Variants in IFT140 observed in about 807,000 individuals in gnomAD.
IFT140 encodes intraflagellar transport 140, also known as intraflagellar transport protein 140 homolog.
Under a neutral mutation model 164.6 loss-of-function variants are expected in IFT140, and 133 were observed. The ratio of observed to expected loss-of-function variants is 0.81; its 90% CI spans 0.70 to 0.93. The LOEUF is 0.93. Among genes scored for constraint, IFT140 ranks in the 40% least tolerant of loss-of-function variants. The probability of loss-of-function intolerance (pLI) is 0.00; values close to 1 mark genes in which losing one functional copy is unlikely to be tolerated. For synonymous variants in IFT140, 860 were observed against 817.3 expected, an observed-to-expected ratio of 1.05 and a Z score of -0.89; for missense variants, 2,045 against 1,972.3, an observed-to-expected ratio of 1.04 and a Z score of -0.70.
At chr16:1,557,796 G>A (rs2033182007) in intron 19 of IFT140, 139 bp downstream of exon 19, 1 of 839,168 alleles carries the variant, frequency 1.2e-6, no homozygotes, top group South Asian at 1.6e-5. Context: ...TCATCGAGTG[G>A]GAAGACCATG....
At chr16:1,592,954 G>A (rs933021059) in intron 4 of IFT140, among the ~76,000 whole-genome samples, 3 of 151,034 alleles carry the variant, frequency 2.0e-5, no homozygotes, top group Admixed American at 1.3e-4. Flanking sequence ...GTGACTGGTG[G>A]TGGGACAGGT....
At position 1,523,907 on chromosome 16, in the gene IFT140, G is replaced by T. The variant is rs1384602452; in HGVS notation, c.3191C>A (p.Pro1064His). 6 of 1,613,452 alleles carry T rather than the reference G, an allele frequency of 3.7e-6. No homozygotes were observed. The South Asian group carries it at 6.6e-5, about 18-fold the overall frequency. Residue 1064 changes from proline to histidine, a missense_variant, in exon 25 of 31, where the codon CCC becomes CAC. Pro to His is a moderately conservative substitution (Grantham distance 77). Transcript: ENST00000426508. ...QLMNLALLSSPEDMIEAARYY... is the reference protein window; with the variant it reads ...QLMNLALLSSHEDMIEAARYY... ...TCGGGCCGCCTCGATCATGTCCTCGGGGGAGCTCAGCAGGGCCAAGTTCAT... is the reference window on the plus strand; with the variant it reads ...TCGGGCCGCCTCGATCATGTCCTCGTGGGAGCTCAGCAGGGCCAAGTTCAT...
At chr16:1,606,988 ACAC>A (rs2036104276) in intron 3 of IFT140, 129 bp downstream of exon 3, 10 of 857,322 alleles carry the variant, frequency 1.2e-5, no homozygotes, top group Non-Finnish European at 1.7e-5. Context: ...ATACACGCAC[ACAC>A]AGATGCATGT....
chr16:1,541,557 G>A, intron 19 of IFT140: 3 of 961,978 alleles, frequency 3.1e-6, no homozygotes, highest in Non-Finnish European at 3.7e-6. Flanking sequence ...GTTGCTGGTG[G>A]GCTTCCCCTT....
At chr16:1,600,868 T>A (rs142440401) in intron 4 of IFT140, among the ~76,000 whole-genome samples, 1 of 148,500 alleles carries the variant, frequency 6.7e-6, no homozygotes, top group Non-Finnish European at 1.5e-5. Flanking sequence ...GTCTACATCC[T>A]CAAAATGTAA....
At position 1,553,662 on chromosome 16, in the gene IFT140, G is replaced by A; in HGVS notation, c.2399+4273C>T. On this transcript the variant is annotated intron_variant, in intron 19 of 30. Transcript: ENST00000426508. The surrounding 1 kb of genome is among the most constrained non-coding windows in gnomAD (Gnocchi z 4.4). The stretch of plus-strand genomic sequence containing the variant: ...ACAGAGAGGGAGGGGTGCTGGGTGG[G>A]CAGAAGCGGGGCTGGGGCTGAAGGC... The A allele has an allele frequency of 9.4e-7, 1 of 1,058,326 alleles. No individual in the cohort carries two copies. The highest frequency in any genetic ancestry group is 1.2e-6 in the Non-Finnish European group (1 of 867,256). 65.6% of individuals were successfully genotyped at this position (1,058,326 alleles called of 1,614,324 possible). A position where few individuals can be genotyped will look rare whatever the true frequency, so the allele number is the denominator to read the frequency against.
intron 15 of IFT140, 151 bp from the exon 16 acceptor site, chr16:1,566,442 C>A: frequency 1.5e-6 from 1 of 672,692 alleles, no homozygotes; most frequent in Non-Finnish European, 2.5e-6. Flanking sequence ...GACTAGCATG[C>A]TTTCAATATT....
rs376739986 is a variant in IFT140, at chr16:1,523,504, C to T, written c.3453+14G>A. ...CCTGCGTGGAGCCGAGCCCAGGCCC[C>T]GCTGGCCCCGTACCTTCCTGGCAGC... On this transcript the variant is annotated intron_variant, in intron 26 of 30. Transcript: ENST00000426508. 3.4e-5 allele frequency: 55 copies of T among 1,604,036 alleles called. No individual in the cohort carries two copies. In the East Asian group the frequency reaches 3.6e-4, roughly 10 times the overall value.
At chr16:1,549,383 C>T (rs962104889) in intron 19 of IFT140, among the ~76,000 whole-genome samples, 8 of 152,362 alleles carry the variant, frequency 5.3e-5, no homozygotes, top group Admixed American at 2.0e-4. Flanking sequence ...GAGTGAAGCG[C>T]GGCTCCCAGA....
At chr16:1,555,880 G>A (rs1354294297) in intron 19 of IFT140, among the ~76,000 whole-genome samples, 1 of 152,086 alleles carries the variant, frequency 6.6e-6, no homozygotes, top group Non-Finnish European at 1.5e-5. Context: ...GAGGCGGGCA[G>A]ATCATGAGGT....
At chr16:1,593,155 C>T (rs2035279753) in intron 4 of IFT140, among the ~76,000 whole-genome samples, 1 of 152,178 alleles carries the variant, frequency 6.6e-6, no homozygotes, top group Admixed American at 6.5e-5. Context: ...CATGCATATT[C>T]CTTTTTTAAA....
intron 19 of IFT140, among the ~76,000 whole-genome samples, chr16:1,540,045 G>T (rs1396526182): frequency 6.6e-5 from 10 of 152,212 alleles, no homozygotes; most frequent in Admixed American, 5.9e-4. Context: ...GAAGCAGCTT[G>T]AAATACAGTG....
Position 1,587,212 on chromosome 16 carries a change from T to A in IFT140, c.995A>T (p.Tyr332Phe). The change falls in exon 9 of 31, where the codon TAC becomes TTC. Residue 332 changes from tyrosine (Y) to phenylalanine (F), a missense_variant. By Grantham distance (22) the Tyr-to-Phe change is conservative. Transcript: ENST00000426508. The stretch of plus-strand genomic sequence containing the variant: ...GGAAGCCTCACCTTTGACTTTACAG[T>A]AACACACACAGTTCATATTCTCTCC... The part of the protein sequence containing the change: ...EKGENMNCVC[Y>F]CKVKGLLAAG... The A allele has an allele frequency of 6.2e-7, 1 of 1,607,924 alleles. No homozygotes were observed. The highest frequency in any genetic ancestry group is 8.5e-7 in the Non-Finnish European group (1 of 1,174,434).
At chr16:1,588,572 G>A (rs1270436721) in intron 7 of IFT140, among the ~76,000 whole-genome samples, 1 of 106,694 alleles carries the variant, frequency 9.4e-6, no homozygotes, top group Non-Finnish European at 1.8e-5. Flanking sequence ...ACTGAGCACA[G>A]GGTGTGGGCA....
chr16:1,512,960 G>C (rs996106689), intron 30 of IFT140: 2 of 152,254 alleles, frequency 1.3e-5, no homozygotes, highest in East Asian at 1.9e-4. Context: ...CCCTGAGGGA[G>C]AGCCACTGCC....
intron 3 of IFT140, among the ~76,000 whole-genome samples, chr16:1,603,217 C>T (rs1464781054): frequency 2.0e-5 from 3 of 152,076 alleles, no homozygotes; most frequent in African/African-American, 7.2e-5. Flanking sequence ...CATTTTAGTG[C>T]GTGGCTGGGT....
In IFT140 at chr16:1,519,956, G is replaced by A. The variant is rs1424577755; in HGVS notation, c.3965C>T (p.Pro1322Leu). Reference protein sequence around the residue: ...KCLAKAKAKSPLDQETRLAQL... With the variant: ...KCLAKAKAKSLLDQETRLAQL... The stretch of plus-strand genomic sequence containing the variant: ...CGCCAGCCTGGTCTCCTGGTCCAGG[G>A]GGCTCTTGGCCTTGGCCTTGGCCAG... The change falls in exon 29 of 31, where the codon CCC becomes CTC. Residue 1322 changes from proline (P) to leucine (L), a missense_variant. Pro to Leu is a moderately conservative substitution (Grantham distance 98). Transcript: ENST00000426508. 1.9e-6 allele frequency: 3 copies of A among 1,606,546 alleles called. No homozygotes were observed. Among genetic ancestry groups the A allele is most frequent in the African/African-American group, 2.7e-5 (2 of 74,408 alleles).
rs1596353869 is a variant in IFT140, at chr16:1,553,652, T to G, written c.2399+4283A>C. On this transcript the variant is annotated intron_variant, in intron 19 of 30. Transcript: ENST00000426508. This position sits in a 1 kb window ranked among gnomAD's most constrained non-coding sequence, Gnocchi z 4.4. ...GGTTACTGTAACAGAGAGGGAGGGG[T>G]GCTGGGTGGGCAGAAGCGGGGCTGG... 1.9e-6 allele frequency: 2 copies of G among 1,048,600 alleles called. No homozygotes were observed. Among genetic ancestry groups the G allele is most frequent in the South Asian group, 3.2e-5 (1 of 31,092 alleles). 65.0% of individuals were successfully genotyped at this position (1,048,600 alleles called of 1,614,324 possible). A position where few individuals can be genotyped will look rare whatever the true frequency, so the allele number is the denominator to read the frequency against.
chr16:1,513,929 T>C (rs1475491913), intron 30 of IFT140, among the ~76,000 whole-genome samples: 1 of 149,462 alleles, frequency 6.7e-6, no homozygotes, highest in Non-Finnish European at 1.5e-5. Context: ...CGCCTTGGCC[T>C]CCCAAAGTGC....
Sources: allele counts gnomAD v4.1 joint callset (sites outside exome capture counted in the v4.1 genomes callset), GRCh38; gene constraint gnomAD v4.1.1; non-coding constraint Gnocchi (gnomAD v3.1); transcripts MANE v1.5; gene names NCBI Gene and HGNC (gene_info 2026-07-23, HGNC 2026-07-21).